ZNF366: variants seen among roughly 807,000 people sequenced by gnomAD.
ZNF366 encodes dendritic cell-specific transcript protein.
ZNF366 carries 20 observed loss-of-function variants against 47.2 expected under a neutral mutation model. The ratio of observed to expected loss-of-function variants is 0.42; its 90% CI spans 0.30 to 0.62. The LOEUF is 0.62. ZNF366 is among the 20% of genes least tolerant of loss of function. The probability of loss-of-function intolerance (pLI) is 0.16; values close to 1 mark genes in which losing one functional copy is unlikely to be tolerated. For missense variants in ZNF366, 987 were observed against 976.3 expected (o/e 1.01, Z -0.15); for synonymous variants, 421 against 395.1 (o/e 1.07, Z -0.78).
chr5:72,477,098 AG>A (rs1743689342), intron 1 of ZNF366, among the ~76,000 whole-genome samples: 2 of 152,228 alleles, frequency 1.3e-5, no homozygotes, highest in African/African-American at 4.8e-5. Context: ...ATTTGTCAAA[AG>A]GTTGGTTTTC....
chr5:72,447,547 C>A, intron 3 of ZNF366, 130 bp from the exon 4 acceptor site: 1 of 1,102,546 alleles, frequency 9.1e-7, no homozygotes, highest in South Asian at 1.8e-5. Context: ...AGGAAAATGT[C>A]CATAAGGAAA....
In ZNF366 at chr5:72,461,370, G is replaced by A. The variant is rs1452153121; in HGVS notation, c.127C>T (p.Pro43Ser). The A allele has an allele frequency of 1.9e-6, 3 of 1,614,002 alleles. No homozygotes were observed. Among genetic ancestry groups the A allele is most frequent in the Non-Finnish European group, 1.7e-6 (2 of 1,179,970 alleles). The change falls in exon 2 of 5, where the codon CCC becomes TCC. Residue 43 changes from proline to serine, a missense_variant. By Grantham distance (74) the Pro-to-Ser change is moderately conservative. This residue lies in a region of ZNF366 where 591 missense variants were observed against 560.9 expected (regional missense o/e 1.05). Transcript: ENST00000318442. Reference sequence around the variant, plus strand: ...GGCCCTCGGAGAGCTTCCGGGAAGGGGTGTCTTTGGGGAGCCTTTCCCCGA... The same window carrying A: ...GGCCCTCGGAGAGCTTCCGGGAAGGAGTGTCTTTGGGGAGCCTTTCCCCGA... The part of the protein sequence containing the change: ...ASRGKAPQRH[P>S]FPEALRGPFS...
intron 1 of ZNF366, among the ~76,000 whole-genome samples, chr5:72,503,221 A>G (rs547551058): frequency 1.4e-3 from 216 of 152,328 alleles, no homozygotes; most frequent in African/African-American, 5.1e-3. Flanking sequence ...GATCATTATC[A>G]TCAGATTGCT....
intron 1 of ZNF366, among the ~76,000 whole-genome samples, chr5:72,472,812 G>A (rs1482235864): frequency 6.6e-6 from 1 of 152,112 alleles, no homozygotes; most frequent in Non-Finnish European, 1.5e-5. Context: ...ATGTAGTTGA[G>A]TTGCTTAAAA....
At chr5:72,468,957 A>G (rs1743489408) in intron 1 of ZNF366, among the ~76,000 whole-genome samples, 1 of 152,240 alleles carries the variant, frequency 6.6e-6, no homozygotes, top group South Asian at 2.1e-4. Context: ...TGTCTTTAGA[A>G]TATATGTTGT....
chr5:72,501,050 G>C (rs1744201882), intron 1 of ZNF366, among the ~76,000 whole-genome samples: 1 of 152,196 alleles, frequency 6.6e-6, no homozygotes, highest in African/African-American at 2.4e-5. Flanking sequence ...TGTTAAACAA[G>C]GTGGTTGCCT....
chr5:72,497,612 T>C (rs1744140300), intron 1 of ZNF366, among the ~76,000 whole-genome samples: 1 of 152,166 alleles, frequency 6.6e-6, no homozygotes, highest in Admixed American at 6.5e-5. Flanking sequence ...CATTGCATTG[T>C]AGGTATGTCT....
rs1742845064 is a variant in ZNF366, at chr5:72,440,913, C to T, written c.*2843G>A. On this transcript the variant is annotated 3_prime_UTR_variant, in exon 5 of 5. Coordinates refer to ENST00000318442, the MANE Select transcript of ZNF366 (RefSeq NM_152625.3). ...TAAAAACAGGCCCTGGAATACACTC[C>T]ATAACAAATTGTTTTTATTTCTCCT... is the stretch of plus-strand genomic sequence containing the variant. 6.6e-6 allele frequency: 1 copy of T among 152,264 alleles called. No homozygotes were observed. The highest frequency in any genetic ancestry group is 1.9e-4 in the East Asian group (1 of 5,182). The allele number at this position is 152,264 out of a possible 1,614,324, so 9.4% of individuals were successfully genotyped here.
chr5:72,493,595 A>T (rs1744054952), intron 1 of ZNF366: 1 of 152,220 alleles, frequency 6.6e-6, no homozygotes, highest in Non-Finnish European at 1.5e-5. Context: ...ACCTTCTGCA[A>T]CTTGTTAGTG....
chr5:72,496,781 C>T (rs1210846721), intron 1 of ZNF366, among the ~76,000 whole-genome samples: 2 of 152,198 alleles, frequency 1.3e-5, no homozygotes, highest in South Asian at 2.1e-4. Context: ...AGTTTCTCCA[C>T]GTCCTTACCA....
chr5:72,502,855 A>G (rs1744237421), intron 1 of ZNF366, among the ~76,000 whole-genome samples: 1 of 152,216 alleles, frequency 6.6e-6, no homozygotes. Flanking sequence ...CGGGCGCAGT[A>G]GCTCATGCCT....
chr5:72,506,226 C>T (rs766218400), intron 1 of ZNF366, among the ~76,000 whole-genome samples: 125 of 152,278 alleles, frequency 8.2e-4, no homozygotes, highest in East Asian at 1.7e-3. Context: ...TTTACCCATT[C>T]GGCATCTCTC....
intron 1 of ZNF366, among the ~76,000 whole-genome samples, chr5:72,491,748 G>A (rs1744014731): frequency 1.3e-5 from 2 of 152,210 alleles, no homozygotes; most frequent in South Asian, 2.1e-4. Context: ...AAAGGAGGAA[G>A]ACCTGAGACA....
chr5:72,442,998 A>G lies in ZNF366; in HGVS notation c.*758T>C, dbSNP rs1355263829. ...TTATGGGGCATGAGGCCTCAGAGCA[A>G]GACAGCAATGGTCTCCAGGAGGGAG... On this transcript the variant is annotated 3_prime_UTR_variant, in exon 5 of 5. Coordinates refer to ENST00000318442, the MANE Select transcript of ZNF366 (RefSeq NM_152625.3). The G allele has an allele frequency of 6.6e-6, 1 of 152,276 alleles. No individual in the cohort carries two copies. Among genetic ancestry groups the G allele is most frequent in the East Asian group, 1.9e-4 (1 of 5,188 alleles). The allele number at this position is 152,276 out of a possible 1,614,324, so 9.4% of individuals were successfully genotyped here. A position where few individuals can be genotyped will look rare whatever the true frequency, so the allele number is the denominator to read the frequency against.
intron 3 of ZNF366, among the ~76,000 whole-genome samples, chr5:72,450,975 G>A (rs978645975): frequency 3.3e-5 from 5 of 152,212 alleles, no homozygotes; most frequent in Non-Finnish European, 7.3e-5. Flanking sequence ...GGAGTTAGAC[G>A]AGAGGGAGGA....
rs187911690 is a variant in ZNF366, at chr5:72,459,372, G to A, written c.1332+793C>T. 4.6e-5 allele frequency among the ~76,000 whole-genome samples: 7 copies of A among 152,248 alleles called. No individual in the cohort carries two copies. In the South Asian group the frequency reaches 8.3e-4, roughly 18 times the overall value. The stretch of plus-strand genomic sequence containing the variant: ...ACTCCCTCTCGGAGGCTCAGAGCAG[G>A]TTCCATACTTTAGCTGGGGTAAGAT... On this transcript the variant is annotated intron_variant, in intron 2 of 4. Coordinates refer to ENST00000318442, the MANE Select transcript of ZNF366 (RefSeq NM_152625.3).
intron 1 of ZNF366, among the ~76,000 whole-genome samples, chr5:72,505,854 G>A (rs1310433006): frequency 6.6e-6 from 1 of 152,086 alleles, no homozygotes; most frequent in Non-Finnish European, 1.5e-5. Flanking sequence ...ACTTTCAATT[G>A]TTATTAGAAT....
rs760499882 is a variant in ZNF366 at position 72,461,129 on chromosome 5, T to G, written c.368A>C (p.Lys123Thr). The G allele has an allele frequency of 6.2e-7, 1 of 1,613,964 alleles. No homozygotes were observed. Among genetic ancestry groups the G allele is most frequent in the African/African-American group, 1.3e-5 (1 of 74,954 alleles). The change falls in exon 2 of 5, where the codon AAG becomes ACG. Residue 123 changes from lysine to threonine, a missense_variant. Around this residue, in one of 3 missense-constraint regions of ZNF366, gnomAD observed 591 missense variants for 560.9 expected, o/e 1.05. Transcript: ENST00000318442. ...CAGGTCGATCATCTGAGAGTCATAC[T>G]TGGGGCGCGGGGGCTGCGGGAACAG... ...PLLFPQPPRPKYDSQMIDLCN... is the reference protein window; with the variant it reads ...PLLFPQPPRPTYDSQMIDLCN...
chr5:72,489,037 G>A (rs1005198560), intron 1 of ZNF366, among the ~76,000 whole-genome samples: 1 of 152,134 alleles, frequency 6.6e-6, no homozygotes, highest in Non-Finnish European at 1.5e-5. Flanking sequence ...GAGCACATGA[G>A]CACAAATGAC....
Sources: gnomAD v4.1 joint callset for allele counts (sites outside exome capture counted in the v4.1 genomes callset) on GRCh38, gnomAD v4.1.1 for gene constraint, gnomAD v4.1.1 regional missense constraint, MANE v1.5 for transcripts, NCBI Gene and HGNC (gene_info 2026-07-23, HGNC 2026-07-21) for gene names.